ENTREP2: variants seen among roughly 807,000 people sequenced by gnomAD.
ENTREP2 encodes protein ENTREP2.
chr15:29,223,850 C>CA, the ENTREP2 span, among the ~76,000 whole-genome samples: 1 of 152,202 alleles, frequency 6.6e-6, no homozygotes, highest in Non-Finnish European at 1.5e-5. Flanking sequence ...AAAGCAGGCA[C>CA]TCTCTGGAGA....
chr15:29,613,531 T>C, the ENTREP2 span: 1 of 271,984 alleles, frequency 3.7e-6, no homozygotes, highest in Non-Finnish European at 7.5e-6. Flanking sequence ...TCCAGTGTAA[T>C]GCCCTCACTC....
chr15:29,288,905 A>G, the ENTREP2 span, among the ~76,000 whole-genome samples: 4 of 152,210 alleles, frequency 2.6e-5, no homozygotes, highest in Non-Finnish European at 4.4e-5. Context: ...TCCAGAACAT[A>G]CAAAATAAAT....
the ENTREP2 span, among the ~76,000 whole-genome samples, chr15:29,621,288 C>T: frequency 6.6e-6 from 1 of 151,840 alleles, no homozygotes; most frequent in African/African-American, 2.4e-5. Context: ...CTATGGGAGG[C>T]CGAGACAGGT....
chr15:29,608,862 T>C, the ENTREP2 span, among the ~76,000 whole-genome samples: 8 of 150,488 alleles, frequency 5.3e-5, no homozygotes, highest in African/African-American at 1.7e-4. Context: ...CCACCGTGCC[T>C]GGCCTCCTCC....
At chr15:29,539,803 A>T in the ENTREP2 span, among the ~76,000 whole-genome samples, 2 of 152,198 alleles carry the variant, frequency 1.3e-5, no homozygotes, top group Non-Finnish European at 2.9e-5. Context: ...AGTGCCCCAC[A>T]TCCTGCCCAG....
chr15:29,496,533 G>T, the ENTREP2 span, among the ~76,000 whole-genome samples: 2 of 152,160 alleles, frequency 1.3e-5, no homozygotes, highest in South Asian at 4.1e-4. Flanking sequence ...ACCATTTATG[G>T]TTGACTATGA....
the ENTREP2 span, among the ~76,000 whole-genome samples, chr15:29,617,492 C>T: frequency 2.0e-5 from 3 of 152,144 alleles, no homozygotes; most frequent in African/African-American, 7.2e-5. Flanking sequence ...CTCTACAGGC[C>T]ATCTGGGCAT....
At chr15:29,601,831 T>G in the ENTREP2 span, among the ~76,000 whole-genome samples, 1 of 152,202 alleles carries the variant, frequency 6.6e-6, no homozygotes, top group East Asian at 1.9e-4. Flanking sequence ...TTGAATGACA[T>G]ATGCACAATG....
chr15:29,625,113 T>C, the ENTREP2 span, among the ~76,000 whole-genome samples: 7 of 152,160 alleles, frequency 4.6e-5, no homozygotes, highest in African/African-American at 1.7e-4. Context: ...AATGAACTTG[T>C]ACAATATTTT....
the ENTREP2 span, among the ~76,000 whole-genome samples, chr15:29,674,140 G>GC: frequency 6.7e-6 from 1 of 148,816 alleles, no homozygotes; most frequent in Non-Finnish European, 1.5e-5. Context: ...GGGGGGGGGG[G>GC]GGGCTTTGCC....
chr15:29,197,698 G>A, the ENTREP2 span, among the ~76,000 whole-genome samples: 4 of 151,710 alleles, frequency 2.6e-5, no homozygotes, highest in Admixed American at 2.0e-4. Flanking sequence ...CCCAGGATGC[G>A]GAGGTTGCAG....
At chr15:29,350,040 T>C in the ENTREP2 span, among the ~76,000 whole-genome samples, 1 of 152,224 alleles carries the variant, frequency 6.6e-6, no homozygotes, top group Non-Finnish European at 1.5e-5. Flanking sequence ...CACCCTGAAA[T>C]ACAAACACTA....
the ENTREP2 span, among the ~76,000 whole-genome samples, chr15:29,647,167 G>A: frequency 8.5e-5 from 13 of 152,172 alleles, no homozygotes; most frequent in African/African-American, 3.1e-4. Context: ...TACTCTGGCT[G>A]GTACATTGCA....
At chr15:29,364,335 C>G in the ENTREP2 span, among the ~76,000 whole-genome samples, 14 of 152,316 alleles carry the variant, frequency 9.2e-5, no homozygotes, top group Non-Finnish European at 1.5e-4. Context: ...CTGCCACACA[C>G]CTGCCCTGTG....
chr15:29,405,816 G>A, the ENTREP2 span, among the ~76,000 whole-genome samples: 3 of 152,240 alleles, frequency 2.0e-5, no homozygotes, highest in African/African-American at 7.2e-5. Flanking sequence ...ACCTCCGGGC[G>A]GGAGACTTTG....
the ENTREP2 span, among the ~76,000 whole-genome samples, chr15:29,671,307 T>G: frequency 6.6e-6 from 1 of 152,216 alleles, no homozygotes; most frequent in Admixed American, 6.5e-5. Context: ...TTTCTTGGTT[T>G]CTATGAGCTG....
At chr15:29,242,029 T>A in the ENTREP2 span, among the ~76,000 whole-genome samples, 1 of 152,262 alleles carries the variant, frequency 6.6e-6, no homozygotes, top group South Asian at 2.1e-4. Flanking sequence ...GGGCAATAGG[T>A]GAGACCCTGG....
At chr15:29,372,670 T>C in the ENTREP2 span, among the ~76,000 whole-genome samples, 1 of 152,190 alleles carries the variant, frequency 6.6e-6, no homozygotes, top group Non-Finnish European at 1.5e-5. Flanking sequence ...TCATTCTAAA[T>C]TTATTGAAGA....
At chr15:29,501,738 A>G in the ENTREP2 span, among the ~76,000 whole-genome samples, 5 of 152,054 alleles carry the variant, frequency 3.3e-5, no homozygotes, top group Admixed American at 2.0e-4. Context: ...AAGTAAAAGT[A>G]TCTCTGTTCA....
Sources: gnomAD v4.1 joint callset for allele counts (sites outside exome capture counted in the v4.1 genomes callset) on GRCh38, gnomAD v4.1.1 for gene constraint, MANE v1.5 for transcripts, NCBI Gene and HGNC (gene_info 2026-07-23, HGNC 2026-07-21) for gene names.